The following RELCH variants were observed in gnomAD, a reference collection of about 807,000 sequenced individuals.
The protein encoded by RELCH is RAB11-binding protein RELCH.
Under a neutral mutation model 150.3 loss-of-function variants are expected in RELCH, and 41 were observed. The observed-to-expected ratio is 0.27, with a 90% confidence interval of 0.21 to 0.35. The LOEUF (loss-of-function observed/expected upper bound fraction) is 0.35. Among genes scored for constraint, RELCH ranks in the 10% least tolerant of loss-of-function variants. The pLI, the probability that RELCH is intolerant of heterozygous loss-of-function variation, is 1.00. For missense variants in RELCH, 1,092 were observed against 1,467.8 expected (o/e 0.74, Z 4.18); for synonymous variants, 478 against 531.8 (o/e 0.90, Z 1.39).
intron 15 of RELCH, among the ~76,000 whole-genome samples, chr18:62,260,339 A>T: frequency 6.6e-6 from 1 of 150,948 alleles, no homozygotes; most frequent in Non-Finnish European, 1.5e-5. Flanking sequence ...ATGAAGTATC[A>T]TGTCACCCCA....
rs996835432 is a variant in RELCH at position 62,271,519 on chromosome 18, T to G, written c.2761-2461T>G. 8.9e-4 allele frequency among the ~76,000 whole-genome samples: 135 copies of G among 152,186 alleles called. 2 individuals are homozygous for G. The highest frequency in any genetic ancestry group is 3.5e-4 in the Non-Finnish European group (24 of 68,026). On this transcript the variant is annotated intron_variant, in intron 20 of 28. Transcript: ENST00000644646. ...GTCAGATGAGTAGATTGCAAAAATTTTATCCCATTCTGTAGGTTGCCTGTT... is the reference window on the plus strand; with the variant it reads ...GTCAGATGAGTAGATTGCAAAAATTGTATCCCATTCTGTAGGTTGCCTGTT...
Position 62,261,536 on chromosome 18 carries a change from A to C in RELCH, c.2228A>C (p.His743Pro), listed in dbSNP as rs2043270924. The change falls in exon 16 of 29, where the codon CAC (histidine) becomes CCC (proline). Residue 743 changes from histidine to proline, a missense_variant. Coordinates refer to ENST00000644646, the MANE Select transcript of RELCH (RefSeq NM_001346231.2). The stretch of plus-strand genomic sequence containing the variant: ...GAAGGAGAACATGGACTGGATGAAC[A>C]CAAACTCCACATGTATCTTTCTGCC... ...LREGEHGLDE[H>P]KLHMYLSALQ... is the part of the protein sequence containing the mutation. The C allele has an allele frequency of 6.2e-7, 1 of 1,611,840 alleles. No homozygotes were observed. Among genetic ancestry groups the C allele is most frequent in the African/African-American group, 1.3e-5 (1 of 74,782 alleles).
chr18:62,268,132 C>T (rs992335543), intron 19 of RELCH, among the ~76,000 whole-genome samples: 4 of 152,004 alleles, frequency 2.6e-5, no homozygotes, highest in African/African-American at 9.7e-5. Context: ...TAGTAAAAAA[C>T]TATTCTTGGG....
At chr18:62,303,462 A>T (rs745656275) in intron 28 of RELCH, among the ~76,000 whole-genome samples, 1 of 152,182 alleles carries the variant, frequency 6.6e-6, no homozygotes, top group African/African-American at 2.4e-5. Context: ...ACTCCTTAAC[A>T]TCATGGTTGG....
intron 10 of RELCH, among the ~76,000 whole-genome samples, chr18:62,243,575 T>A (rs1171117453): frequency 6.6e-6 from 1 of 152,112 alleles, no homozygotes; most frequent in East Asian, 1.9e-4. Context: ...AAATTTAAGA[T>A]TTGCAATATA....
In RELCH at chr18:62,261,503, T is replaced by C. The variant is rs950520625; in HGVS notation, c.2203-8T>C. On this transcript the variant is annotated splice_polypyrimidine_tract_variant and splice_region_variant and intron_variant, in intron 15 of 28. Transcript: ENST00000644646. ...ACTAAAATTAGCTTCCACCTCCTTA[T>C]GTTTCAGGAAGGAGAACATGGACTG... 6.2e-7 allele frequency: 1 copy of C among 1,609,784 alleles called. No individual in the cohort carries two copies. The highest frequency in any genetic ancestry group is 8.5e-7 in the Non-Finnish European group (1 of 1,177,612).
chr18:62,230,384 A>G (rs957855325), intron 8 of RELCH, among the ~76,000 whole-genome samples: 1 of 152,118 alleles, frequency 6.6e-6, no homozygotes, highest in Non-Finnish European at 1.5e-5. Flanking sequence ...TGAGAGGAGC[A>G]TAAAACAGCA....
intron 10 of RELCH, among the ~76,000 whole-genome samples, chr18:62,244,345 G>T (rs1402551357): frequency 6.6e-6 from 1 of 152,118 alleles, no homozygotes; most frequent in Non-Finnish European, 1.5e-5. Context: ...CCTTACAGAA[G>T]TGGGAAAAGT....
chr18:62,261,081 G>A (rs1397963592), intron 15 of RELCH, among the ~76,000 whole-genome samples: 2 of 151,958 alleles, frequency 1.3e-5, no homozygotes, highest in Non-Finnish European at 2.9e-5. Flanking sequence ...CACGTTCGAG[G>A]TGATGCATAT....
At chr18:62,295,434 T>A (rs1324814649) in intron 27 of RELCH, among the ~76,000 whole-genome samples, 1 of 151,996 alleles carries the variant, frequency 6.6e-6, no homozygotes, top group African/African-American at 2.4e-5. Context: ...CTGCTTTTTT[T>A]TTCTGTTTTA....
At chr18:62,223,527 C>T (rs1248465167) in intron 5 of RELCH, among the ~76,000 whole-genome samples, 2 of 151,998 alleles carry the variant, frequency 1.3e-5, no homozygotes, top group African/African-American at 4.8e-5. Context: ...AGAAGTAATA[C>T]AAACTCTTCT....
rs1256080014 is a variant in RELCH at position 62,228,326 on chromosome 18, T to C, written c.1176T>C (p.Asn392=). 1.9e-6 allele frequency: 3 copies of C among 1,611,446 alleles called. No individual in the cohort carries two copies. In the South Asian group the frequency reaches 3.3e-5, roughly 18 times the overall value. Reference sequence around the variant, plus strand: ...ACAGTGAAATGGACTTCCTCAAAAATGAACACTTTGCCATCCCAGCAGTTT... The same window carrying C: ...ACAGTGAAATGGACTTCCTCAAAAACGAACACTTTGCCATCCCAGCAGTTT... ...RLKSEMDFLK[N]EHFAIPAVCD... Residue 392 remains asparagine (N), a synonymous_variant, in exon 8 of 29, where the codon AAT becomes AAC. Coordinates refer to ENST00000644646, the MANE Select transcript of RELCH (RefSeq NM_001346231.2).
At chr18:62,255,033 G>C (rs1054835296) in intron 12 of RELCH, among the ~76,000 whole-genome samples, 1 of 152,042 alleles carries the variant, frequency 6.6e-6, no homozygotes, top group Non-Finnish European at 1.5e-5. Flanking sequence ...ATTATAGACC[G>C]TATCTATAAG....
chr18:62,270,013 T>C (rs1385021477), intron 20 of RELCH, among the ~76,000 whole-genome samples: 1 of 152,192 alleles, frequency 6.6e-6, no homozygotes, highest in Non-Finnish European at 1.5e-5. Context: ...TGCTCATGAT[T>C]CTGCAATCTG....
At chr18:62,270,330 G>T (rs544365906) in intron 20 of RELCH, among the ~76,000 whole-genome samples, 5 of 152,230 alleles carry the variant, frequency 3.3e-5, no homozygotes, top group African/African-American at 9.6e-5. Flanking sequence ...AGTAAGCCAG[G>T]GTGTGAACCA....
chr18:62,260,065 G>T (rs1412376720), intron 15 of RELCH, among the ~76,000 whole-genome samples: 1 of 151,582 alleles, frequency 6.6e-6, no homozygotes, highest in Non-Finnish European at 1.5e-5. Flanking sequence ...AAAGTAAAAA[G>T]CTTCCGCGCA....
Position 62,187,326 on chromosome 18 carries a change from T to G in RELCH, c.-180T>G, listed in dbSNP as rs1396822936. ...TGCTGGTGCAGCAGAGGCTGAGGCA[T>G]CAGGTGCAGCTGCATCCGGATCTCC... On this transcript the variant is annotated 5_prime_UTR_variant, in exon 1 of 29. Coordinates refer to ENST00000644646, the MANE Select transcript of RELCH (RefSeq NM_001346231.2). 2.1e-6 allele frequency: 1 copy of G among 482,028 alleles called. No individual in the cohort carries two copies. The highest frequency in any genetic ancestry group is 3.2e-5 in the East Asian group (1 of 31,204). 29.9% of individuals were successfully genotyped at this position (482,028 alleles called of 1,614,324 possible). A position where few individuals can be genotyped will look rare whatever the true frequency, so the allele number is the denominator to read the frequency against.
chr18:62,283,792 C>T (rs2044647240), intron 25 of RELCH, among the ~76,000 whole-genome samples: 1 of 152,132 alleles, frequency 6.6e-6, no homozygotes, highest in African/African-American at 2.4e-5. Flanking sequence ...CTTTTCGAGG[C>T]TGTAGTTGCT....
chr18:62,274,783 G>C (rs143362593), intron 21 of RELCH, among the ~76,000 whole-genome samples: 18 of 152,234 alleles, frequency 1.2e-4, no homozygotes, highest in Admixed American at 2.6e-4. Context: ...ATTTTAACTT[G>C]CATGCTATTA....
Sources: allele counts gnomAD v4.1 joint callset (sites outside exome capture counted in the v4.1 genomes callset), GRCh38; gene constraint gnomAD v4.1.1; transcripts MANE v1.5; gene names NCBI Gene and HGNC (gene_info 2026-07-23, HGNC 2026-07-21).